Variants in SPOCK3 observed in about 807,000 individuals in gnomAD.
SPOCK3 encodes the protein testican-3.
Under a neutral mutation model 56.6 loss-of-function variants are expected in SPOCK3, and 30 were observed. The ratio of observed to expected loss-of-function variants is 0.53; its 90% confidence interval spans 0.40 to 0.72. SPOCK3 has a LOEUF of 0.72. Ranked by LOEUF, SPOCK3 falls within the 30% of genes least tolerant of loss-of-function variation. The pLI, the probability that SPOCK3 is intolerant of heterozygous loss-of-function variation, is 0.00. For missense variants in SPOCK3, 527 were observed against 530.0 expected, an observed-to-expected ratio of 0.99 and a Z score of 0.06; for synonymous variants, 196 against 183.3, an observed-to-expected ratio of 1.07 and a Z score of -0.56.
chr4:166,806,095 T>C (rs1743135420), intron 6 of SPOCK3, among the ~76,000 whole-genome samples: 2 of 152,102 alleles, frequency 1.3e-5, no homozygotes, highest in Admixed American at 1.3e-4. Context: ...TTATGTGATA[T>C]TGTTAAAACA....
chr4:167,109,270 TA>T (rs1451496046), intron 2 of SPOCK3, among the ~76,000 whole-genome samples: 18 of 89,482 alleles, frequency 2.0e-4, no homozygotes, highest in Admixed American at 8.0e-4. Context: ...ATTATTATTA[TA>T]AAAATTAAGT....
At chr4:167,149,224 A>G (rs889604050) in intron 2 of SPOCK3, among the ~76,000 whole-genome samples, 1 of 152,122 alleles carries the variant, frequency 6.6e-6, no homozygotes, top group Non-Finnish European at 1.5e-5. Context: ...TAGCAAATAT[A>G]TATGGTCTAC....
intron 4 of SPOCK3, among the ~76,000 whole-genome samples, chr4:166,928,947 G>A (rs1217874904): frequency 6.6e-6 from 1 of 151,872 alleles, no homozygotes. Flanking sequence ...CAGCCTGGGC[G>A]ATAGAGTGAG....
chr4:166,888,317 TATTAG>T (rs1429895143), intron 6 of SPOCK3, among the ~76,000 whole-genome samples: 3 of 152,164 alleles, frequency 2.0e-5, no homozygotes, highest in South Asian at 4.1e-4. Context: ...CAATAATAAT[TATTAG>T]ATTAGAAGAG....
At chr4:166,883,303 T>C (rs1397927390) in intron 6 of SPOCK3, 1 of 152,186 alleles carries the variant, frequency 6.6e-6, no homozygotes, top group Non-Finnish European at 1.5e-5. Context: ...CTGTGTCAGA[T>C]TATAGAATAA....
At chr4:166,878,804 T>A (rs1458595513) in intron 6 of SPOCK3, among the ~76,000 whole-genome samples, 1 of 152,190 alleles carries the variant, frequency 6.6e-6, no homozygotes, top group Non-Finnish European at 1.5e-5. Context: ...TGGTGCTTAT[T>A]AGTTGTGTGA....
chr4:167,123,552 C>G (rs1166605867), intron 2 of SPOCK3, among the ~76,000 whole-genome samples: 3 of 151,940 alleles, frequency 2.0e-5, no homozygotes, highest in African/African-American at 7.3e-5. Context: ...TAGCCATTAT[C>G]TGTCTGTACC....
chr4:166,993,955 A>C (rs1748082856), intron 4 of SPOCK3, among the ~76,000 whole-genome samples: 1 of 152,170 alleles, frequency 6.6e-6, no homozygotes, highest in Admixed American at 6.6e-5. Context: ...GTTTTAAACA[A>C]GAAAACTAAG....
chr4:167,198,567 A>G (rs1206099266), intron 2 of SPOCK3, among the ~76,000 whole-genome samples: 1 of 152,214 alleles, frequency 6.6e-6, no homozygotes, highest in African/African-American at 2.4e-5. Context: ...ACAATCTACA[A>G]TTGGGATATT....
intron 4 of SPOCK3, among the ~76,000 whole-genome samples, chr4:166,932,274 A>T (rs1454744892): frequency 6.6e-6 from 1 of 152,184 alleles, no homozygotes; most frequent in Non-Finnish European, 1.5e-5. Flanking sequence ...ATGGGAAAGT[A>T]TCATATCTGT....
intron 6 of SPOCK3, among the ~76,000 whole-genome samples, chr4:166,823,660 A>G (rs1182851623): frequency 1.3e-5 from 2 of 152,116 alleles, no homozygotes. Flanking sequence ...ATGAATATCC[A>G]TTATTTCCTT....
chr4:166,753,241 A>C (rs1313694654), intron 8 of SPOCK3, among the ~76,000 whole-genome samples: 2 of 152,066 alleles, frequency 1.3e-5, no homozygotes, highest in Non-Finnish European at 2.9e-5. Context: ...ATAAGAAAAG[A>C]GTACATGACT....
chr4:166,820,783 C>T (rs1012821498), intron 6 of SPOCK3, among the ~76,000 whole-genome samples: 7 of 151,830 alleles, frequency 4.6e-5, no homozygotes, highest in Non-Finnish European at 8.8e-5. Context: ...GAGATCATGC[C>T]ACTCTGTCTG....
intron 2 of SPOCK3, among the ~76,000 whole-genome samples, chr4:167,229,045 TG>T (rs1352695641): frequency 6.6e-6 from 1 of 152,140 alleles, no homozygotes; most frequent in African/African-American, 2.4e-5. Context: ...GAAATGCCTA[TG>T]TTCTCAACTA....
At chr4:167,128,863 G>A (rs564955874) in intron 2 of SPOCK3, among the ~76,000 whole-genome samples, 5 of 152,156 alleles carry the variant, frequency 3.3e-5, no homozygotes, top group East Asian at 1.9e-4. Context: ...AGTCTCCCTC[G>A]TGGCCCACCC....
At chr4:166,994,118 A>G (rs531961771) in intron 4 of SPOCK3, among the ~76,000 whole-genome samples, 2 of 152,258 alleles carry the variant, frequency 1.3e-5, no homozygotes, top group East Asian at 3.9e-4. Flanking sequence ...ACAAAGGAAC[A>G]AGTGGGCAGG....
chr4:166,763,736 G>A (rs1258994522), intron 7 of SPOCK3, among the ~76,000 whole-genome samples: 2 of 151,984 alleles, frequency 1.3e-5, no homozygotes, highest in African/African-American at 4.8e-5. Context: ...GGTACATTGT[G>A]ATAAGTTAAT....
At chr4:167,107,902 C>G (rs1202586969) in intron 2 of SPOCK3, among the ~76,000 whole-genome samples, 1 of 151,698 alleles carries the variant, frequency 6.6e-6, no homozygotes, top group Non-Finnish European at 1.5e-5. Context: ...GTGAAAGATT[C>G]CTTCTCACAA....
chr4:167,058,371 G>A (rs2150236738), intron 3 of SPOCK3, among the ~76,000 whole-genome samples: 1 of 152,194 alleles, frequency 6.6e-6, no homozygotes, highest in Admixed American at 6.5e-5. Context: ...CAAACAGAAA[G>A]CCAAATCATT....
Sources: allele counts gnomAD v4.1 joint callset (sites outside exome capture counted in the v4.1 genomes callset), GRCh38; gene constraint gnomAD v4.1.1; transcripts MANE v1.5; gene names NCBI Gene and HGNC (gene_info 2026-07-23, HGNC 2026-07-21).